Variants in FAF1 observed in about 807,000 individuals in gnomAD.
The protein encoded by FAF1 is Fas associated factor 1.
FAF1 carries 25 observed loss-of-function variants against 92.5 expected under a neutral mutation model. That is an observed-to-expected ratio of 0.27 (90% CI 0.20 to 0.38). The LOEUF (loss-of-function observed/expected upper bound fraction) is 0.38, where lower values mean the gene tolerates loss of function less well. FAF1 is among the 10% of genes least tolerant of loss of function. The pLI is 1.00. For missense variants in FAF1, 636 were observed against 793.3 expected, an observed-to-expected ratio of 0.80 and a Z score of 2.38; for synonymous variants, 234 against 273.2, an observed-to-expected ratio of 0.86 and a Z score of 1.42.
At chr1:50,755,760 C>G (rs1334353609) in intron 4 of FAF1, among the ~76,000 whole-genome samples, 3 of 152,216 alleles carry the variant, frequency 2.0e-5, no homozygotes, top group Non-Finnish European at 2.9e-5. Flanking sequence ...AACCTCAATT[C>G]TTGACTTCTG....
intron 8 of FAF1, among the ~76,000 whole-genome samples, chr1:50,643,709 C>T (rs1654451890): frequency 6.6e-6 from 1 of 152,226 alleles, no homozygotes; most frequent in African/African-American, 2.4e-5. Context: ...TCTCCTGCCT[C>T]AGTGTCCTGA....
At chr1:50,628,396 A>T (rs908094870) in intron 8 of FAF1, among the ~76,000 whole-genome samples, 1 of 152,016 alleles carries the variant, frequency 6.6e-6, no homozygotes, top group African/African-American at 2.4e-5. Flanking sequence ...CAGTGGCAAT[A>T]CTCTAATGTT....
intron 15 of FAF1, among the ~76,000 whole-genome samples, chr1:50,497,122 CT>C (rs1371167289): frequency 6.6e-6 from 1 of 151,602 alleles, no homozygotes; most frequent in Non-Finnish European, 1.5e-5. Context: ...AACCAAATTA[CT>C]TAAAGTTAAT....
intron 13 of FAF1, among the ~76,000 whole-genome samples, chr1:50,548,082 G>C (rs1021535394): frequency 2.0e-5 from 3 of 152,130 alleles, no homozygotes; most frequent in African/African-American, 7.2e-5. Flanking sequence ...CTGAATAAGA[G>C]AGCCAATTTA....
At chr1:50,489,138 AT>A (rs1343155804) in intron 17 of FAF1, among the ~76,000 whole-genome samples, 4 of 151,984 alleles carry the variant, frequency 2.6e-5, no homozygotes, top group Admixed American at 6.6e-5. Flanking sequence ...CATTTAGCAC[AT>A]TTTTTCTTGA....
intron 2 of FAF1, among the ~76,000 whole-genome samples, chr1:50,803,700 A>G (rs1662084553): frequency 6.6e-6 from 1 of 152,170 alleles, no homozygotes; most frequent in Non-Finnish European, 1.5e-5. Context: ...GAAAAGTAGC[A>G]AGATGGGGAG....
chr1:50,452,063 G>A (rs367843933), intron 18 of FAF1: 8 of 1,333,580 alleles, frequency 6.0e-6, no homozygotes, highest in African/African-American at 1.5e-5. Flanking sequence ...AGAATGGAAT[G>A]GGGAGGAAAA....
chr1:50,819,965 T>C (rs1644028717), intron 2 of FAF1, among the ~76,000 whole-genome samples: 1 of 151,048 alleles, frequency 6.6e-6, no homozygotes, highest in Admixed American at 6.6e-5. Flanking sequence ...GCTAGAAAAA[T>C]GCAATCTCAG....
At chr1:50,662,909 G>A (rs1655446983) in intron 7 of FAF1, among the ~76,000 whole-genome samples, 1 of 151,232 alleles carries the variant, frequency 6.6e-6, no homozygotes, top group African/African-American at 2.5e-5. Context: ...ACCATTCACA[G>A]GATGGTCTCC....
chr1:50,571,415 G>C (rs552264445), intron 12 of FAF1, among the ~76,000 whole-genome samples: 2 of 152,328 alleles, frequency 1.3e-5, no homozygotes, highest in East Asian at 3.9e-4. Context: ...ATGGGTTGTT[G>C]TAAGCATCGC....
chr1:50,459,397 C>A (rs967863550), intron 18 of FAF1, among the ~76,000 whole-genome samples: 1 of 152,200 alleles, frequency 6.6e-6, no homozygotes, highest in African/African-American at 2.4e-5. Context: ...AATCTCTATT[C>A]TCTGCTAGAA....
intron 13 of FAF1, among the ~76,000 whole-genome samples, chr1:50,542,953 A>T (rs1219970835): frequency 1.3e-5 from 2 of 152,240 alleles, no homozygotes; most frequent in East Asian, 3.8e-4. Flanking sequence ...TAAGTCAGAT[A>T]TACTTTTATA....
intron 1 of FAF1, among the ~76,000 whole-genome samples, chr1:50,862,516 C>T (rs572298810): frequency 6.6e-6 from 1 of 151,600 alleles, no homozygotes; most frequent in Admixed American, 6.6e-5. Flanking sequence ...TATTTGTTAG[C>T]ACAATAGAGT....
At chr1:50,643,302 T>C (rs1654433078) in intron 8 of FAF1, among the ~76,000 whole-genome samples, 1 of 152,188 alleles carries the variant, frequency 6.6e-6, no homozygotes, top group African/African-American at 2.4e-5. Context: ...ATTTATAATG[T>C]AGGATCACTA....
At chr1:50,885,342 T>C (rs201944649) in intron 1 of FAF1, among the ~76,000 whole-genome samples, 135 of 140,768 alleles carry the variant, frequency 9.6e-4, no homozygotes, top group South Asian at 1.5e-3. Context: ...TCTCTCTCTC[T>C]CAATATTTGC....
intron 8 of FAF1, among the ~76,000 whole-genome samples, chr1:50,648,311 G>T (rs905856755): frequency 6.6e-6 from 1 of 152,088 alleles, no homozygotes; most frequent in Non-Finnish European, 1.5e-5. Flanking sequence ...TTCAAGGAAG[G>T]AGATAATTGT....
At chr1:50,732,660 C>T (rs1174375074) in intron 6 of FAF1, among the ~76,000 whole-genome samples, 2 of 152,070 alleles carry the variant, frequency 1.3e-5, no homozygotes, top group Non-Finnish European at 2.9e-5. Flanking sequence ...CAACATATGG[C>T]TATTTTTGTA....
intron 12 of FAF1, among the ~76,000 whole-genome samples, chr1:50,575,894 T>C (rs746149396): frequency 6.6e-6 from 1 of 152,244 alleles, no homozygotes; most frequent in Non-Finnish European, 1.5e-5. Context: ...TGAGCAATGA[T>C]GGCATTTAGA....
chr1:50,736,255 T>A (rs1011054193), intron 6 of FAF1, among the ~76,000 whole-genome samples: 1 of 152,196 alleles, frequency 6.6e-6, no homozygotes, highest in Non-Finnish European at 1.5e-5. Context: ...TTTTTTCTCC[T>A]TTTTAGATTA....
Sources: allele counts gnomAD v4.1 joint callset (sites outside exome capture counted in the v4.1 genomes callset), GRCh38; gene constraint gnomAD v4.1.1; transcripts MANE v1.5; gene names NCBI Gene and HGNC (gene_info 2026-07-23, HGNC 2026-07-21).